The following SPAG16 variants were observed in gnomAD, a reference collection of about 807,000 sequenced individuals.
The protein encoded by SPAG16 is sperm associated antigen 16, also known as sperm-associated antigen 16 protein.
SPAG16 carries 86 observed loss-of-function variants against 80.4 expected under a neutral mutation model. That is an observed-to-expected ratio of 1.07 (90% CI 0.90 to 1.28). The LOEUF (loss-of-function observed/expected upper bound fraction) is 1.28. Ranked by LOEUF, SPAG16 falls within the 50% of genes most tolerant of loss-of-function variation. The pLI, the probability that SPAG16 is intolerant of heterozygous loss-of-function variation, is 0.00. For missense variants in SPAG16, 870 were observed against 765.3 expected, an observed-to-expected ratio of 1.14 and a Z score of -1.61; for synonymous variants, 294 against 265.9, an observed-to-expected ratio of 1.11 and a Z score of -1.03.
intron 15 of SPAG16, among the ~76,000 whole-genome samples, chr2:214,257,172 T>A (rs1258380237): frequency 1.3e-5 from 2 of 151,912 alleles, no homozygotes; most frequent in African/African-American, 2.4e-5. Flanking sequence ...ATATATAGAA[T>A]TCTCTAATTT....
At chr2:214,146,699 C>T (rs1267205457) in intron 14 of SPAG16, among the ~76,000 whole-genome samples, 1 of 152,062 alleles carries the variant, frequency 6.6e-6, no homozygotes, top group African/African-American at 2.4e-5. Flanking sequence ...ATTTCTATTA[C>T]TTAAAATATT....
chr2:214,172,506 G>A (rs1330105664), intron 15 of SPAG16, among the ~76,000 whole-genome samples: 1 of 152,154 alleles, frequency 6.6e-6, no homozygotes, highest in Non-Finnish European at 1.5e-5. Flanking sequence ...ATCATTGACG[G>A]ACATTTGGGT....
chr2:213,350,909 C>T (rs960327829), intron 7 of SPAG16, among the ~76,000 whole-genome samples: 14 of 151,262 alleles, frequency 9.3e-5, no homozygotes, highest in East Asian at 3.9e-4. Flanking sequence ...GGATCATTTG[C>T]GGCCAGGAGT....
At chr2:214,332,707 A>G (rs1697007093) in intron 15 of SPAG16, among the ~76,000 whole-genome samples, 2 of 152,154 alleles carry the variant, frequency 1.3e-5, no homozygotes. Flanking sequence ...TGGGGATATT[A>G]TGGAGACTAC....
At chr2:213,467,937 T>TA (rs144366125) in intron 9 of SPAG16, among the ~76,000 whole-genome samples, 2,214 of 152,282 alleles carry the variant, frequency 0.015, 23 homozygotes, top group South Asian at 0.038. Flanking sequence ...AGGCAGCTAT[T>TA]AGAGACTGTA....
chr2:213,541,546 A>G (rs2076447433), intron 10 of SPAG16, among the ~76,000 whole-genome samples: 1 of 152,134 alleles, frequency 6.6e-6, no homozygotes, highest in South Asian at 2.1e-4. Flanking sequence ...CTCGAACCCA[A>G]GAGGTGGAGG....
chr2:213,801,125 AT>A lies in SPAG16; in HGVS notation c.1071-61359del, dbSNP rs1194301041. Among the ~76,000 whole-genome samples the A allele has an allele frequency of 2.0e-5, 3 of 152,338 alleles. No homozygotes were observed. In the East Asian group the frequency reaches 5.8e-4, roughly 29 times the overall value. ...TTTGTAAGTGTTCATATGTCTTCAG[AT>A]CTTTTCTGGCAGACCTGGAAAATAG... On this transcript the variant is annotated intron_variant, in intron 10 of 15. Coordinates refer to ENST00000331683, the MANE Select transcript of SPAG16 (RefSeq NM_024532.5).
chr2:213,839,193 A>T (rs1016483171), intron 10 of SPAG16, among the ~76,000 whole-genome samples: 1 of 152,196 alleles, frequency 6.6e-6, no homozygotes, highest in Non-Finnish European at 1.5e-5. Context: ...AATACTATTT[A>T]AAATATTGAG....
chr2:214,069,016 C>A (rs17813412), intron 13 of SPAG16, among the ~76,000 whole-genome samples: 1 of 151,948 alleles, frequency 6.6e-6, no homozygotes, highest in Non-Finnish European at 1.5e-5. Flanking sequence ...ATCATAAAGC[C>A]TGTGTTTCTA....
chr2:213,867,926 C>CAAAAAAAAAAAAAAAAAA (rs35795865), intron 11 of SPAG16, among the ~76,000 whole-genome samples: 1 of 45,876 alleles, frequency 2.2e-5, no homozygotes, highest in South Asian at 1.8e-3. Flanking sequence ...TCTGTCTCAA[C>CAAAAAAAAAAAAAAAAAA]AAAAAAAAAA....
At chr2:214,193,145 G>A (rs1249408864) in intron 15 of SPAG16, among the ~76,000 whole-genome samples, 3 of 151,912 alleles carry the variant, frequency 2.0e-5, no homozygotes, top group Non-Finnish European at 4.4e-5. Context: ...TAGAGGGTGA[G>A]GCATAATTTC....
At chr2:214,051,739 C>T (rs2125134597) in intron 13 of SPAG16, among the ~76,000 whole-genome samples, 1 of 152,246 alleles carries the variant, frequency 6.6e-6, no homozygotes, top group Non-Finnish European at 1.5e-5. Context: ...ACTGACATAC[C>T]CATGAGAAAT....
intron 13 of SPAG16, among the ~76,000 whole-genome samples, chr2:214,048,984 G>A (rs2049491517): frequency 6.6e-6 from 1 of 151,648 alleles, no homozygotes; most frequent in South Asian, 2.1e-4. Context: ...TGCCCAGGCT[G>A]GAGTGAAATT....
At chr2:213,723,614 T>C (rs557826538) in intron 10 of SPAG16, among the ~76,000 whole-genome samples, 8 of 152,338 alleles carry the variant, frequency 5.3e-5, no homozygotes, top group Admixed American at 5.2e-4. Context: ...ACATCTTTTA[T>C]GGCTTGCCAG....
intron 10 of SPAG16, among the ~76,000 whole-genome samples, chr2:213,722,231 A>G (rs564095217): frequency 4.6e-5 from 7 of 152,358 alleles, no homozygotes; most frequent in African/African-American, 1.7e-4. Flanking sequence ...AATTTGAAAG[A>G]TAAGTACAGG....
At chr2:214,280,994 C>G in intron 15 of SPAG16, 1 of 441,988 alleles carries the variant, frequency 2.3e-6, no homozygotes, top group Non-Finnish European at 4.4e-6. Flanking sequence ...TCGTTTGGTA[C>G]TGTAAGGGAT....
intron 12 of SPAG16, among the ~76,000 whole-genome samples, chr2:213,959,754 T>C (rs1481057448): frequency 6.6e-6 from 1 of 152,198 alleles, no homozygotes; most frequent in Non-Finnish European, 1.5e-5. Context: ...CTGTGAGTTA[T>C]GAATTTCTTG....
rs1250961047 is a variant in SPAG16 at position 213,298,529 on chromosome 2, A to G, written c.279+1172A>G. Among the ~76,000 whole-genome samples the G allele has an allele frequency of 2.0e-5, 3 of 152,218 alleles. No homozygotes were observed. The East Asian group carries it at 5.8e-4, about 29-fold the overall frequency. ...ACATGTGGCTAATACAGTGCTTGGC[A>G]CATAGTTGGCACTAAATAAATAGCA... On this transcript the variant is annotated intron_variant, in intron 3 of 15. Transcript: ENST00000331683.
At chr2:213,288,035 A>G (rs964901857) in intron 1 of SPAG16, among the ~76,000 whole-genome samples, 1 of 152,156 alleles carries the variant, frequency 6.6e-6, no homozygotes, top group African/African-American at 2.4e-5. Flanking sequence ...CTTCCTGAGT[A>G]GCGGGGACTG....
Sources: allele counts gnomAD v4.1 joint callset (sites outside exome capture counted in the v4.1 genomes callset), GRCh38; gene constraint gnomAD v4.1.1; transcripts MANE v1.5; gene names NCBI Gene and HGNC (gene_info 2026-07-23, HGNC 2026-07-21).